GRK7: variants seen among roughly 807,000 people sequenced by gnomAD.
The protein encoded by GRK7 is G protein-coupled receptor kinase 7.
Under a neutral mutation model 34.1 loss-of-function variants are expected in GRK7, and 24 were observed. That is an observed-to-expected ratio of 0.70 (90% CI 0.51 to 0.99). GRK7 has a LOEUF of 0.99. Among genes scored for constraint, GRK7 ranks in the 50% least tolerant of loss-of-function variants. GRK7 has a pLI of 0.00. For synonymous variants in GRK7, 256 were observed against 279.4 expected (o/e 0.92, Z 0.84); for missense variants, 644 against 707.3 (o/e 0.91, Z 1.02).
rs187888123 is a variant in GRK7 at position 141,780,867 on chromosome 3, G to C, written c.1050+56G>C. 6.7e-6 allele frequency: 10 copies of C among 1,485,116 alleles called. No homozygotes were observed. The African/African-American group carries it at 1.3e-4, about 19-fold the overall frequency. 92.0% of individuals were successfully genotyped at this position (1,485,116 alleles called of 1,614,324 possible). On this transcript the variant is annotated intron_variant, in intron 4 of 5. Transcript: ENST00000682958. ...GGGCACAGAGTTGGAAAGGAGGGGA[G>C]AGGGCTTTTCTATTCCCAGGGCAAA... is the stretch of plus-strand genomic sequence containing the variant.
At chr3:141,768,594 A>G (rs2084601143) in intron 1 of GRK7, among the ~76,000 whole-genome samples, 1 of 152,060 alleles carries the variant, frequency 6.6e-6, no homozygotes, top group Non-Finnish European at 1.5e-5. Flanking sequence ...TTAGCTTTTA[A>G]CAAGCACAAG....
At chr3:141,766,930 C>T (rs2084584064) in intron 1 of GRK7, among the ~76,000 whole-genome samples, 1 of 152,210 alleles carries the variant, frequency 6.6e-6, no homozygotes, top group African/African-American at 2.4e-5. Flanking sequence ...TTTTCTATTT[C>T]CTTCAGATAT....
Position 141,794,505 on chromosome 3 carries a change from G to A in GRK7, c.1051-13140G>A, listed in dbSNP as rs201535394. Among the ~76,000 whole-genome samples, 45 of 152,370 alleles carry A rather than the reference G, an allele frequency of 3.0e-4. No individual in the cohort carries two copies. In the East Asian group the frequency reaches 7.1e-3, roughly 24 times the overall value. The stretch of plus-strand genomic sequence containing the variant: ...AATGTGGTTCAAATGAAGATGGAGA[G>A]GTGGCAGGGGCCAGACGGAACCTGG... On this transcript the variant is annotated intron_variant, in intron 4 of 5. Transcript: ENST00000682958.
chr3:141,816,286 G>T (rs1019478015), intron 5 of GRK7, among the ~76,000 whole-genome samples: 2 of 152,132 alleles, frequency 1.3e-5, no homozygotes, highest in African/African-American at 4.8e-5. Flanking sequence ...CCAATAAAGG[G>T]ATATGAGTGC....
At chr3:141,800,286 C>G (rs1710943603) in intron 4 of GRK7, among the ~76,000 whole-genome samples, 1 of 148,424 alleles carries the variant, frequency 6.7e-6, no homozygotes, top group African/African-American at 2.5e-5. Flanking sequence ...TCCCTCTTGT[C>G]AGTTGATAAG....
At chr3:141,754,856 C>T in the GRK7 span, among the ~76,000 whole-genome samples, 25 of 152,200 alleles carry the variant, frequency 1.6e-4, no homozygotes, top group African/African-American at 5.8e-4. Context: ...ATTATTTTAT[C>T]TCTGATATGA....
In GRK7 at chr3:141,772,787, C is replaced by G. The variant is rs1174215181; in HGVS notation, c.-214-1793C>G. On this transcript the variant is annotated intron_variant, in intron 1 of 5. Transcript: ENST00000682958. ...ACTAAAATATTTAAATTGCTTTCTA[C>G]TATCATAAAAGTTATGATTTTTCAT... Among the ~76,000 whole-genome samples the G allele has an allele frequency of 2.0e-5, 3 of 152,146 alleles. No individual in the cohort carries two copies. The East Asian group carries it at 5.8e-4, about 29-fold the overall frequency.
At position 141,816,962 on chromosome 3, in the gene GRK7, G is replaced by T; in HGVS notation, c.1574G>T (p.Gly525Val). 6.2e-7 allele frequency: 1 copy of T among 1,614,120 alleles called. No individual in the cohort carries two copies. The highest frequency in any genetic ancestry group is 1.1e-5 in the South Asian group (1 of 91,080). ...IAWQEEIIET[G>V]LFEELNDPNR... ...TGGCAGGAAGAAATTATAGAAACGGGACTGTTTGAGGAACTGAATGACCCC... is the reference window on the plus strand; with the variant it reads ...TGGCAGGAAGAAATTATAGAAACGGTACTGTTTGAGGAACTGAATGACCCC... The change falls in exon 6 of 6, where the codon GGA (glycine) becomes GTA (valine). Residue 525 changes from glycine (G) to valine (V), a missense_variant. Physicochemically the swap from Gly to Val is moderately radical, Grantham distance 109. Transcript: ENST00000682958.
intron 4 of GRK7, among the ~76,000 whole-genome samples, chr3:141,800,744 T>C (rs1036473412): frequency 6.6e-6 from 1 of 152,174 alleles, no homozygotes; most frequent in South Asian, 2.1e-4. Flanking sequence ...ACAAAACTAA[T>C]CTATAGTAAC....
upstream of GRK7, among the ~76,000 whole-genome samples, chr3:141,762,764 G>A (rs997822176): frequency 4.6e-5 from 7 of 152,192 alleles, no homozygotes; most frequent in African/African-American, 1.2e-4. Context: ...AGCAATCAGC[G>A]AGATTCCGTG....
At chr3:141,813,625 C>T (rs1711118835) in intron 5 of GRK7, among the ~76,000 whole-genome samples, 1 of 152,112 alleles carries the variant, frequency 6.6e-6, no homozygotes, top group Non-Finnish European at 1.5e-5. Context: ...TCCAGGTCTC[C>T]ATACACAGTG....
intron 4 of GRK7, among the ~76,000 whole-genome samples, chr3:141,790,352 G>A (rs1476237153): frequency 6.6e-6 from 1 of 152,154 alleles, no homozygotes; most frequent in African/African-American, 2.4e-5. Flanking sequence ...GACTCAGACA[G>A]AATAAGTGCA....
Position 141,774,656 on chromosome 3 carries a change from G to C in GRK7, c.-138G>C, listed in dbSNP as rs1203727194. Among the ~76,000 whole-genome samples the C allele has an allele frequency of 3.9e-5, 6 of 151,992 alleles. No homozygotes were observed. The highest frequency in any genetic ancestry group is 1.5e-4 in the African/African-American group (6 of 41,378). The stretch of plus-strand genomic sequence containing the variant: ...ATTTGCTCCTCCGAAGAAATTCTCA[G>C]ACTGATTTTTCACTGTATTGTCAGG... On this transcript the variant is annotated 5_prime_UTR_variant, in exon 2 of 6. Transcript: ENST00000682958.
intron 3 of GRK7, among the ~76,000 whole-genome samples, chr3:141,779,773 G>T (rs2084662121): frequency 6.6e-6 from 1 of 152,128 alleles, no homozygotes; most frequent in South Asian, 2.1e-4. Flanking sequence ...CACAATATGT[G>T]ACCTTTTGTG....
chr3:141,811,181 A>T (rs977220636), intron 5 of GRK7, among the ~76,000 whole-genome samples: 1 of 151,798 alleles, frequency 6.6e-6, no homozygotes, highest in Non-Finnish European at 1.5e-5. Context: ...AGCCGGGTGC[A>T]GTGGCGGGTG....
chr3:141,810,926 G>A lies in GRK7; in HGVS notation c.1325+3007G>A, dbSNP rs546624938. 3.6e-3 allele frequency among the ~76,000 whole-genome samples: 549 copies of A among 152,238 alleles called. 3 individuals are homozygous for A. The highest frequency in any genetic ancestry group is 6.1e-3 in the Non-Finnish European group (412 of 68,006). ...AAGTTCAGTGAGTATCCAAAGGTGCGGGAGCAGTGGCTGAGTCAGGAGGAC... is the reference window on the plus strand; with the variant it reads ...AAGTTCAGTGAGTATCCAAAGGTGCAGGAGCAGTGGCTGAGTCAGGAGGAC... On this transcript the variant is annotated intron_variant, in intron 5 of 5. Coordinates refer to ENST00000682958, the MANE Select transcript of GRK7 (RefSeq NM_139209.3).
chr3:141,776,108 C>T (rs2107875154), intron 2 of GRK7, among the ~76,000 whole-genome samples: 1 of 152,020 alleles, frequency 6.6e-6, no homozygotes, highest in South Asian at 2.1e-4. Flanking sequence ...CACAGTGAAA[C>T]CCCATCTCTA....
At chr3:141,792,261 G>A (rs1001940637) in intron 4 of GRK7, among the ~76,000 whole-genome samples, 15 of 151,824 alleles carry the variant, frequency 9.9e-5, no homozygotes, top group African/African-American at 3.1e-4. Flanking sequence ...AAAATTAGCC[G>A]GGCATTGTAG....
chr3:141,815,220 T>C (rs748677396), intron 5 of GRK7, among the ~76,000 whole-genome samples: 9 of 132,808 alleles, frequency 6.8e-5, no homozygotes, highest in Non-Finnish European at 1.3e-4. Context: ...CCACCATGTC[T>C]GGTTGGTTTT....
Sources: gnomAD v4.1 joint callset for allele counts (sites outside exome capture counted in the v4.1 genomes callset) on GRCh38, gnomAD v4.1.1 for gene constraint, MANE v1.5 for transcripts, NCBI Gene and HGNC (gene_info 2026-07-23, HGNC 2026-07-21) for gene names.